UFSP2: variants seen among roughly 807,000 people sequenced by gnomAD.
UFSP2 encodes the protein ufm1-specific protease 2.
Under a neutral mutation model 60.2 loss-of-function variants are expected in UFSP2, and 43 were observed. The ratio of observed to expected loss-of-function variants is 0.71; its 90% CI spans 0.56 to 0.92. UFSP2 has a LOEUF of 0.92. Among genes scored for constraint, UFSP2 ranks in the 40% least tolerant of loss-of-function variants. UFSP2 has a pLI of 0.00. For missense variants in UFSP2, 520 were observed against 575.0 expected, an observed-to-expected ratio of 0.90 and a Z score of 0.98; for synonymous variants, 183 against 195.1, an observed-to-expected ratio of 0.94 and a Z score of 0.52.
At chr4:185,409,065 C>T (rs1199860934) in intron 7 of UFSP2, among the ~76,000 whole-genome samples, 1 of 152,074 alleles carries the variant, frequency 6.6e-6, no homozygotes, top group African/African-American at 2.4e-5. Context: ...TTTTTGGGCC[C>T]AAGCTTCTAC....
intron 6 of UFSP2, 145 bp downstream of exon 6, chr4:185,415,010 A>T: frequency 1.5e-6 from 1 of 655,946 alleles, no homozygotes; most frequent in Non-Finnish European, 2.4e-6. Context: ...AACAGAAATT[A>T]AATAATGTGT....
At chr4:185,406,082 T>G in intron 9 of UFSP2, 1 of 785,010 alleles carries the variant, frequency 1.3e-6, no homozygotes, top group South Asian at 1.7e-5. Flanking sequence ...GATAAGACGC[T>G]AAAAGACCTT....
chr4:185,422,386 C>A, intron 2 of UFSP2, 99 bp downstream of exon 2: 1 of 863,780 alleles, frequency 1.2e-6, no homozygotes, highest in South Asian at 1.6e-5. Context: ...AATCTTAGTT[C>A]ATCCTATCTC....
At chr4:185,409,824 TAGG>T (rs2095526153) in intron 7 of UFSP2, among the ~76,000 whole-genome samples, 1 of 152,148 alleles carries the variant, frequency 6.6e-6, no homozygotes, top group Non-Finnish European at 1.5e-5. Context: ...GAGAGGGGCA[TAGG>T]AGGAGAAGGT....
chr4:185,408,186 C>T (rs751588164), intron 8 of UFSP2, 85 bp downstream of exon 8: 56 of 1,543,776 alleles, frequency 3.6e-5, no homozygotes, highest in Non-Finnish European at 4.8e-5. Flanking sequence ...AAGTCTGCAC[C>T]ATGAGGTAAC....
At chr4:185,410,244 T>C (rs1406964246) in intron 7 of UFSP2, among the ~76,000 whole-genome samples, 1 of 151,906 alleles carries the variant, frequency 6.6e-6, no homozygotes, top group Non-Finnish European at 1.5e-5. Flanking sequence ...AAAACCATAA[T>C]AGAAAAATAT....
rs546712210 is a variant in UFSP2 at position 185,421,765 on chromosome 4, T to C, written c.82+720A>G. Reference sequence around the variant, plus strand: ...AATTCCTGATCTTTCTGAACGGCTCTGTGGCTTCTGGCACCACTACTCGTA... The same window carrying C: ...AATTCCTGATCTTTCTGAACGGCTCCGTGGCTTCTGGCACCACTACTCGTA... On this transcript the variant is annotated intron_variant, in intron 2 of 11. Coordinates refer to ENST00000264689, the MANE Select transcript of UFSP2 (RefSeq NM_018359.5). Among the ~76,000 whole-genome samples the C allele has an allele frequency of 3.3e-5, 5 of 152,372 alleles. No homozygotes were observed. In the South Asian group the frequency reaches 6.2e-4, roughly 19 times the overall value.
Position 185,400,093 on chromosome 4 carries a change from A to C in UFSP2, c.*299T>G. On this transcript the variant is annotated 3_prime_UTR_variant, in exon 12 of 12. Transcript: ENST00000264689. ...TCTATAAGCTCCTGCTTTTGGCTTTACCATATGTTGTGTCTAATCTCCTTC... is the reference window on the plus strand; with the variant it reads ...TCTATAAGCTCCTGCTTTTGGCTTTCCCATATGTTGTGTCTAATCTCCTTC... The C allele has an allele frequency of 7.3e-7, 1 of 1,370,590 alleles. No homozygotes were observed. The highest frequency in any genetic ancestry group is 2.1e-5 in the Admixed American group (1 of 47,774). The allele number at this position is 1,370,590 out of a possible 1,614,324, so 84.9% of individuals were successfully genotyped here.
rs930083579 is a variant in UFSP2 at position 185,407,821 on chromosome 4, A to C, written c.1121+115T>G. On this transcript the variant is annotated intron_variant, in intron 9 of 11. Coordinates refer to ENST00000264689, the MANE Select transcript of UFSP2 (RefSeq NM_018359.5). ...TTTATAAAGCAATGAGTAATAAGGA[A>C]GAAGGAAAAGGAATAAAAAGAAATA... 7 of 1,164,982 alleles carry C rather than the reference A, an allele frequency of 6.0e-6. No homozygotes were observed. The Admixed American group carries it at 2.1e-4, about 36-fold the overall frequency. The allele number at this position is 1,164,982 out of a possible 1,614,324, so 72.2% of individuals were successfully genotyped here.
chr4:185,412,057 A>G (rs2095530324), intron 7 of UFSP2, among the ~76,000 whole-genome samples: 2 of 150,930 alleles, frequency 1.3e-5, no homozygotes, highest in South Asian at 4.2e-4. Context: ...GGGAAAGAGC[A>G]CAGACTGGTA....
At chr4:185,420,327 GAC>G (rs1484758591) in intron 2 of UFSP2, among the ~76,000 whole-genome samples, 1 of 151,904 alleles carries the variant, frequency 6.6e-6, no homozygotes, top group East Asian at 1.9e-4. Flanking sequence ...TTGAATATTT[GAC>G]ACATTCAATT....
Position 185,399,653 on chromosome 4 carries a change from T to A in UFSP2, c.*739A>T, listed in dbSNP as rs769485507. On this transcript the variant is annotated 3_prime_UTR_variant, in exon 12 of 12. Coordinates refer to ENST00000264689, the MANE Select transcript of UFSP2 (RefSeq NM_018359.5). Reference sequence around the variant, plus strand: ...GACTGTGCCAAGTTTCTTACAACAATTAAATGTATGCAGACAATAAAAGCA... The same window carrying A: ...GACTGTGCCAAGTTTCTTACAACAAATAAATGTATGCAGACAATAAAAGCA... The A allele has an allele frequency of 6.2e-7, 1 of 1,614,182 alleles. No individual in the cohort carries two copies. The highest frequency in any genetic ancestry group is 2.2e-5 in the East Asian group (1 of 44,878).
Position 185,400,072 on chromosome 4 carries a change from T to G in UFSP2, c.*320A>C. The G allele has an allele frequency of 6.8e-7, 1 of 1,479,276 alleles. No homozygotes were observed. Among genetic ancestry groups the G allele is most frequent in the Non-Finnish European group, 9.3e-7 (1 of 1,071,928 alleles). The allele number at this position is 1,479,276 out of a possible 1,614,324, so 91.6% of individuals were successfully genotyped here. A position where few individuals can be genotyped will look rare whatever the true frequency, so the allele number is the denominator to read the frequency against. ...AACGCCTTCATTTCATGCAAATCTATAAGCTCCTGCTTTTGGCTTTACCAT... is the reference window on the plus strand; with the variant it reads ...AACGCCTTCATTTCATGCAAATCTAGAAGCTCCTGCTTTTGGCTTTACCAT... On this transcript the variant is annotated 3_prime_UTR_variant, in exon 12 of 12. Coordinates refer to ENST00000264689, the MANE Select transcript of UFSP2 (RefSeq NM_018359.5).
intron 4 of UFSP2, among the ~76,000 whole-genome samples, chr4:185,416,691 A>G (rs2095539296): frequency 6.6e-6 from 1 of 152,226 alleles, no homozygotes; most frequent in Non-Finnish European, 1.5e-5. Context: ...GAGAAAGCAC[A>G]TGTTGCACCT....
At position 185,399,611 on chromosome 4, in the gene UFSP2, G is replaced by C. The variant is rs754163591; in HGVS notation, c.*781C>G. 4 of 1,614,172 alleles carry C rather than the reference G, an allele frequency of 2.5e-6. No homozygotes were observed. Among genetic ancestry groups the C allele is most frequent in the Non-Finnish European group, 3.4e-6 (4 of 1,180,016 alleles). ...GGGCAAACAGCTGAAGATCTCGCTT[G>C]GTCATGTGGATTTCCAGACTGTGCC... On this transcript the variant is annotated 3_prime_UTR_variant, in exon 12 of 12. Transcript: ENST00000264689.
chr4:185,415,445 G>C, intron 5 of UFSP2, 98 bp from the exon 6 acceptor site: 3 of 1,056,562 alleles, frequency 2.8e-6, no homozygotes, highest in Non-Finnish European at 3.9e-6. Flanking sequence ...TAAAAAACTT[G>C]ATTGGACCAG....
chr4:185,414,005 T>A (rs2095534122), intron 6 of UFSP2, 133 bp from the exon 7 acceptor site: 1 of 706,668 alleles, frequency 1.4e-6, no homozygotes, highest in Admixed American at 3.9e-5. Context: ...TATGGTTTAA[T>A]TCACTAACAT....
At position 185,400,212 on chromosome 4, in the gene UFSP2, T is replaced by C. The variant is rs917955905; in HGVS notation, c.*180A>G. The stretch of plus-strand genomic sequence containing the variant: ...ATATGCTGGTTGTGTATGCTTTGTC[T>C]TTTAAGTTATTAAAGGAACGTCTAA... On this transcript the variant is annotated 3_prime_UTR_variant, in exon 12 of 12. Coordinates refer to ENST00000264689, the MANE Select transcript of UFSP2 (RefSeq NM_018359.5). 1 of 705,616 alleles carries C rather than the reference T, an allele frequency of 1.4e-6. No individual in the cohort carries two copies. The highest frequency in any genetic ancestry group is 2.3e-6 in the Non-Finnish European group (1 of 432,134). The allele number at this position is 705,616 out of a possible 1,614,324, so 43.7% of individuals were successfully genotyped here.
intron 10 of UFSP2, among the ~76,000 whole-genome samples, chr4:185,403,988 C>CAAA (rs1273508321): frequency 1.6e-5 from 2 of 121,438 alleles, no homozygotes; most frequent in Admixed American, 8.7e-5. Flanking sequence ...CAAAAAAAAA[C>CAAA]AACATTACTT....
Sources: gnomAD v4.1 joint callset for allele counts (sites outside exome capture counted in the v4.1 genomes callset) on GRCh38, gnomAD v4.1.1 for gene constraint, MANE v1.5 for transcripts, NCBI Gene and HGNC (gene_info 2026-07-23, HGNC 2026-07-21) for gene names.